The following SARDH variants were observed in gnomAD, a reference collection of about 807,000 sequenced individuals.
SARDH encodes sarcosine dehydrogenase, mitochondrial.
Under a neutral mutation model 109.1 loss-of-function variants are expected in SARDH, and 95 were observed. That is an observed-to-expected ratio of 0.87 (90% CI 0.74 to 1.03). The LOEUF is 1.03. SARDH is among the 50% of genes least tolerant of loss of function. The pLI is 0.00. For synonymous variants in SARDH, 572 were observed against 534.8 expected (o/e 1.07, Z -0.96); for missense variants, 1,267 against 1,287.8 (o/e 0.98, Z 0.25).
chr9:133,722,992 A>G (rs1439290065), intron 6 of SARDH, among the ~76,000 whole-genome samples: 1 of 152,242 alleles, frequency 6.6e-6, no homozygotes, highest in Non-Finnish European at 1.5e-5. Flanking sequence ...TCTAGCATTG[A>G]ATAATCTGAA....
rs999870148 is a variant in SARDH at position 133,697,531 on chromosome 9, C to T, written c.1669-1170G>A. 1.3e-5 allele frequency among the ~76,000 whole-genome samples: 2 copies of T among 152,156 alleles called. 1 individual carries two copies. The highest frequency in any genetic ancestry group is 2.9e-5 in the Non-Finnish European group (2 of 68,026). On this transcript the variant is annotated intron_variant, in intron 13 of 20. Coordinates refer to ENST00000439388, the MANE Select transcript of SARDH (RefSeq NM_001134707.2). Reference sequence around the variant, plus strand: ...ATACAAAAAAATCCTCAACAAAATACTAGTAAATCAAATCCAACAACATAG... The same window carrying T: ...ATACAAAAAAATCCTCAACAAAATATTAGTAAATCAAATCCAACAACATAG...
intron 6 of SARDH, among the ~76,000 whole-genome samples, chr9:133,722,272 G>A (rs1226448228): frequency 1.3e-5 from 2 of 151,628 alleles, no homozygotes; most frequent in Non-Finnish European, 2.9e-5. Flanking sequence ...AGATGCATGA[G>A]AAGCATTTGA....
At chr9:133,733,759 C>T in intron 2 of SARDH, 84 bp downstream of exon 2, 1 of 1,306,498 alleles carries the variant, frequency 7.7e-7, no homozygotes, top group Non-Finnish European at 1.0e-6. Context: ...TGTTGTGAAC[C>T]AAGAACTGTC....
In SARDH at chr9:133,663,958, G is replaced by C. The variant is rs1217720996; in HGVS notation, c.2688C>G (p.Thr896=). The stretch of plus-strand genomic sequence containing the variant: ...ACTTCAGGTGAGCCTGGGCACCATA[G>C]GTCACCCCCATTCTCTCCAGGGCAT... ...GDYALERMGV[T]YGAQAHLKSP... is the part of the protein sequence containing the mutation. Residue 896 remains threonine, a synonymous_variant, in exon 21 of 21, where the codon ACC becomes ACG. Coordinates refer to ENST00000439388, the MANE Select transcript of SARDH (RefSeq NM_001134707.2). The C allele has an allele frequency of 1.2e-6, 2 of 1,614,204 alleles. No individual in the cohort carries two copies. Among genetic ancestry groups the C allele is most frequent in the South Asian group, 1.1e-5 (1 of 91,086 alleles).
At chr9:133,680,514 G>A (rs1224890414) in intron 17 of SARDH, among the ~76,000 whole-genome samples, 1 of 152,210 alleles carries the variant, frequency 6.6e-6, no homozygotes, top group Non-Finnish European at 1.5e-5. Context: ...CAGCCTCCCA[G>A]GTCAGCAAAA....
At chr9:133,680,527 T>G (rs541914926) in intron 17 of SARDH, among the ~76,000 whole-genome samples, 27 of 152,292 alleles carry the variant, frequency 1.8e-4, no homozygotes, top group African/African-American at 6.5e-4. Flanking sequence ...CAGCAAAAAC[T>G]GTAACATTGA....
At chr9:133,663,285 G>A (rs1013482466), downstream of SARDH, among the ~76,000 whole-genome samples, 2 of 152,234 alleles carry the variant, frequency 1.3e-5, no homozygotes, top group Non-Finnish European at 1.5e-5. Flanking sequence ...CCGGGCTGCC[G>A]ACTCTCAGGA....
rs200282226 is a variant in SARDH, at chr9:133,690,358, C to T, written c.2069+22G>A. On this transcript the variant is annotated intron_variant, in intron 16 of 20. Transcript: ENST00000439388. ...TCCAGGCAGCAGGTGCACCCAGGGG[C>T]GGGCTCCCAGTCCTCTCTCACCTGG... The T allele has an allele frequency of 6.8e-5, 108 of 1,597,134 alleles. No homozygotes were observed. In the East Asian group the frequency reaches 8.3e-4, roughly 12 times the overall value.
Position 133,729,916 on chromosome 9 carries a change from G to A in SARDH, c.815-51C>T, listed in dbSNP as rs745802630. 1.9e-6 allele frequency: 3 copies of A among 1,600,152 alleles called. No individual in the cohort carries two copies. The Admixed American group carries it at 5.0e-5, about 27-fold the overall frequency. Reference sequence around the variant, plus strand: ...GCTCTGCTGACACCTGGTGGGAGCTGCCTCTCAGGTGTGCACAGGCTGCCT... The same window carrying A: ...GCTCTGCTGACACCTGGTGGGAGCTACCTCTCAGGTGTGCACAGGCTGCCT... On this transcript the variant is annotated intron_variant, in intron 5 of 20. Coordinates refer to ENST00000439388, the MANE Select transcript of SARDH (RefSeq NM_001134707.2).
intron 17 of SARDH, among the ~76,000 whole-genome samples, chr9:133,680,845 G>A (rs1161048385): frequency 2.0e-5 from 3 of 152,248 alleles, no homozygotes; most frequent in Non-Finnish European, 4.4e-5. Flanking sequence ...AGGACAAGGA[G>A]GGAGAGGGAC....
chr9:133,677,825 C>T (rs1304179878), intron 17 of SARDH, among the ~76,000 whole-genome samples: 1 of 152,248 alleles, frequency 6.6e-6, no homozygotes, highest in East Asian at 1.9e-4. Context: ...AGCAGAGCCG[C>T]CTGCCACTGG....
In SARDH at chr9:133,704,858, C is replaced by G; in HGVS notation, c.1554+90G>C. ...TGGAACCACCTGGGGAGGCGGGGCA[C>G]ACGGAGGGGCAAGGACGGGGCACGT... On this transcript the variant is annotated intron_variant, in intron 12 of 20. Transcript: ENST00000439388. This position sits in a 1 kb window ranked among gnomAD's most constrained non-coding sequence, Gnocchi z 4.5. 1 of 1,128,182 alleles carries G rather than the reference C, an allele frequency of 8.9e-7. No homozygotes were observed. The highest frequency in any genetic ancestry group is 1.5e-5 in the African/African-American group (1 of 65,098). 69.9% of individuals were successfully genotyped at this position (1,128,182 alleles called of 1,614,324 possible). A position where few individuals can be genotyped will look rare whatever the true frequency, so the allele number is the denominator to read the frequency against.
intron 6 of SARDH, among the ~76,000 whole-genome samples, chr9:133,720,039 C>T (rs934119636): frequency 3.3e-5 from 5 of 151,600 alleles, no homozygotes; most frequent in East Asian, 3.9e-4. Context: ...GAACCCAGAA[C>T]GTGGTGCTTG....
intron 6 of SARDH, among the ~76,000 whole-genome samples, chr9:133,722,614 C>T (rs1211238993): frequency 6.6e-6 from 1 of 150,882 alleles, no homozygotes; most frequent in South Asian, 2.1e-4. Flanking sequence ...ATACAAAATC[C>T]TAAGGAAACC....
rs544839143 is a variant in SARDH at position 133,735,807 on chromosome 9, G to A, written c.-30-1604C>T. 3.9e-5 allele frequency among the ~76,000 whole-genome samples: 6 copies of A among 152,346 alleles called. 1 individual carries two copies. Among genetic ancestry groups the A allele is most frequent in the Admixed American group, 3.9e-4 (6 of 15,306 alleles). On this transcript the variant is annotated intron_variant, in intron 1 of 20. Coordinates refer to ENST00000439388, the MANE Select transcript of SARDH (RefSeq NM_001134707.2). ...GCCTGTAATCCCAGCACTTGGGGAG[G>A]CCGAGGCAGGCGGATCACCTGAGGT...
intron 13 of SARDH, among the ~76,000 whole-genome samples, chr9:133,696,629 G>A (rs1035648459): frequency 6.6e-6 from 1 of 152,178 alleles, no homozygotes; most frequent in Admixed American, 6.5e-5. Flanking sequence ...TACAAAGGAT[G>A]TCCTCTGACC....
At chr9:133,680,480 C>T (rs1243558886) in intron 17 of SARDH, among the ~76,000 whole-genome samples, 1 of 152,190 alleles carries the variant, frequency 6.6e-6, no homozygotes, top group Non-Finnish European at 1.5e-5. Flanking sequence ...CCTGGGAGCG[C>T]GTGGCCCTGG....
intron 20 of SARDH, among the ~76,000 whole-genome samples, chr9:133,665,538 C>A (rs1381646124): frequency 1.3e-5 from 2 of 152,214 alleles, no homozygotes; most frequent in Admixed American, 6.5e-5. Context: ...GAAACTGAGG[C>A]TCCAAGAGAG....
chr9:133,710,113 C>T (rs1279169410), intron 10 of SARDH, among the ~76,000 whole-genome samples: 1 of 152,224 alleles, frequency 6.6e-6, no homozygotes, highest in Admixed American at 6.5e-5. Flanking sequence ...CTCACCTGGT[C>T]CCCAAGGAAT....
Sources: allele counts gnomAD v4.1 joint callset (sites outside exome capture counted in the v4.1 genomes callset), GRCh38; gene constraint gnomAD v4.1.1; non-coding constraint Gnocchi (gnomAD v3.1); transcripts MANE v1.5; gene names NCBI Gene and HGNC (gene_info 2026-07-23, HGNC 2026-07-21).